Variants in LPXN observed in about 807,000 individuals in gnomAD.
LPXN encodes leupaxin.
In LPXN, 28 loss-of-function variants were observed where a neutral mutation model predicts 45.6. The observed-to-expected ratio is 0.61, with a 90% CI of 0.45 to 0.84. LPXN has a LOEUF of 0.84. LPXN is among the 40% of genes least tolerant of loss of function. LPXN has a pLI of 0.00. For synonymous variants in LPXN, 166 were observed against 169.9 expected, an observed-to-expected ratio of 0.98 and a Z score of 0.18; for missense variants, 459 against 475.0, an observed-to-expected ratio of 0.97 and a Z score of 0.31.
chr11:58,564,025 T>C, intron 3 of LPXN, 130 bp downstream of exon 3: 5 of 618,532 alleles, frequency 8.1e-6, no homozygotes, highest in Non-Finnish European at 1.4e-5. Context: ...TCAAAGACTA[T>C]GGAAAGAGGA....
At chr11:58,577,959 C>A, upstream of LPXN, 1 of 1,542,134 alleles carries the variant, frequency 6.5e-7, no homozygotes, top group Non-Finnish European at 8.8e-7. Flanking sequence ...GCCCAAGGAC[C>A]CCATGGAACC....
chr11:58,530,885 C>T (rs1388220699), intron 7 of LPXN, among the ~76,000 whole-genome samples: 1 of 152,234 alleles, frequency 6.6e-6, no homozygotes, highest in Non-Finnish European at 1.5e-5. Flanking sequence ...TGTTCTGCAG[C>T]CTCTGCTGCT....
intron 7 of LPXN, among the ~76,000 whole-genome samples, chr11:58,535,891 A>G (rs1853538295): frequency 6.6e-6 from 1 of 152,108 alleles, no homozygotes; most frequent in South Asian, 2.1e-4. Flanking sequence ...CAGCGAAATC[A>G]TGAGTGAAAC....
chr11:58,547,234 G>A (rs1853901682), intron 7 of LPXN, among the ~76,000 whole-genome samples: 1 of 152,084 alleles, frequency 6.6e-6, no homozygotes, highest in South Asian at 2.1e-4. Flanking sequence ...AAATATGAGA[G>A]GAAGAGATTA....
upstream of LPXN, among the ~76,000 whole-genome samples, chr11:58,577,536 A>G (rs1209601444): frequency 6.6e-6 from 1 of 152,214 alleles, no homozygotes; most frequent in African/African-American, 2.4e-5. Flanking sequence ...ATGTTCTTGC[A>G]AATCGTTCCT....
At chr11:58,568,594 C>T (rs1237655399) in intron 2 of LPXN, among the ~76,000 whole-genome samples, 1 of 140,142 alleles carries the variant, frequency 7.1e-6, no homozygotes, top group Admixed American at 7.0e-5. Context: ...CAGAAAGAGA[C>T]TCCATCTCAA....
At chr11:58,575,939 GCTT>G (rs1854875630), upstream of LPXN, 3 of 1,408,470 alleles carry the variant, frequency 2.1e-6, no homozygotes, top group South Asian at 4.8e-5. Context: ...GATTTGGTGA[GCTT>G]TTTTTTTTTT....
At chr11:58,563,386 A>G (rs1404922471) in intron 3 of LPXN, among the ~76,000 whole-genome samples, 1 of 152,196 alleles carries the variant, frequency 6.6e-6, no homozygotes, top group Non-Finnish European at 1.5e-5. Context: ...TTCTTGTAGC[A>G]CAGTTCTTGC....
rs929357835 is a variant in LPXN at position 58,566,040 on chromosome 11, C to G, written c.172-1839G>C. The stretch of plus-strand genomic sequence containing the variant: ...GATTATCTGAACATTTTTAATGGTA[C>G]AGACAATTATTCTTTATATGTATTC... On this transcript the variant is annotated intron_variant, in intron 2 of 8. Coordinates refer to ENST00000395074, the MANE Select transcript of LPXN (RefSeq NM_004811.3). 3.3e-5 allele frequency among the ~76,000 whole-genome samples: 5 copies of G among 152,126 alleles called. No homozygotes were observed. The South Asian group carries it at 1.0e-3, about 31-fold the overall frequency.
rs1226005079 is a variant in LPXN at position 58,549,652 on chromosome 11, G to A, written c.742+134C>T. On this transcript the variant is annotated intron_variant, in intron 7 of 8. Coordinates refer to ENST00000395074, the MANE Select transcript of LPXN (RefSeq NM_004811.3). The stretch of plus-strand genomic sequence containing the variant: ...ATGTTGGAGAAAGGTAGGGAGGGAT[G>A]GTATCTAGTACTGAAATGGGCACTT... The A allele has an allele frequency of 7.9e-6, 5 of 632,724 alleles. No homozygotes were observed. The African/African-American group carries it at 9.2e-5, about 12-fold the overall frequency. The allele number at this position is 632,724 out of a possible 1,614,324, so 39.2% of individuals were successfully genotyped here. A position where few individuals can be genotyped will look rare whatever the true frequency, so the allele number is the denominator to read the frequency against.
At chr11:58,555,723 T>C (rs1456324661) in intron 3 of LPXN, among the ~76,000 whole-genome samples, 1 of 149,176 alleles carries the variant, frequency 6.7e-6, no homozygotes. Context: ...TCAAACCAGT[T>C]AGAAATAGCA....
upstream of LPXN, among the ~76,000 whole-genome samples, chr11:58,576,178 CTT>C (rs764553389): frequency 1.4e-4 from 20 of 144,452 alleles, no homozygotes; most frequent in Non-Finnish European, 9.2e-5. Flanking sequence ...TTTCTTTTTT[CTT>C]TTTTTTTTTT....
intron 5 of LPXN, among the ~76,000 whole-genome samples, chr11:58,550,687 C>A (rs930820621): frequency 3.9e-5 from 6 of 152,146 alleles, no homozygotes; most frequent in African/African-American, 1.4e-4. Context: ...AATGTGTGAA[C>A]AAAGGGAGCA....
In LPXN at chr11:58,555,739, AAC is replaced by A. The variant is rs139423306; in HGVS notation, c.219-801_219-800del. On this transcript the variant is annotated intron_variant, in intron 3 of 8. Transcript: ENST00000395074. The stretch of plus-strand genomic sequence containing the variant: ...CAAACCAGTTAGAAATAGCAATGAA[AAC>A]ACACACACACACACACTCACACACA... Among the ~76,000 whole-genome samples, 710 of 135,276 alleles carry A rather than the reference AAC, an allele frequency of 5.2e-3. 2 individuals are homozygous for A. The highest frequency in any genetic ancestry group is 8.1e-3 in the Non-Finnish European group (516 of 63,320). The allele number at this position is 135,276 out of a possible 152,430, so 88.7% of individuals were successfully genotyped here. A position where few individuals can be genotyped will look rare whatever the true frequency, so the allele number is the denominator to read the frequency against.
At chr11:58,565,255 C>T (rs1019020953) in intron 2 of LPXN, among the ~76,000 whole-genome samples, 8 of 152,122 alleles carry the variant, frequency 5.3e-5, no homozygotes, top group South Asian at 2.1e-4. Context: ...GTTTATTGGA[C>T]GGGCGTGGTG....
rs1050513314 is a variant in LPXN at position 58,550,123 on chromosome 11, T to C, written c.510A>G (p.Ser170=). 2.3e-5 allele frequency: 37 copies of C among 1,613,974 alleles called. No homozygotes were observed. The highest frequency in any genetic ancestry group is 3.1e-5 in the Non-Finnish European group (37 of 1,179,948). The part of the protein sequence containing the change: ...AGKVIHALGQ[S]WHPEHFVCTH... ...TACAGACAAAATGCTCAGGATGCCA[T>C]GATTGCCCTAGAGCATGGATCACCT... Residue 170 remains serine, a synonymous_variant, in exon 6 of 9, where the codon TCA becomes TCG. Transcript: ENST00000395074.
At chr11:58,571,834 A>C (rs1408279206) in intron 1 of LPXN, among the ~76,000 whole-genome samples, 1 of 152,220 alleles carries the variant, frequency 6.6e-6, no homozygotes, top group Non-Finnish European at 1.5e-5. Context: ...TATTTTGTAG[A>C]TCACAAGAAA....
intron 1 of LPXN, among the ~76,000 whole-genome samples, chr11:58,571,306 A>G (rs764400819): frequency 3.9e-5 from 6 of 152,086 alleles, no homozygotes; most frequent in Non-Finnish European, 5.9e-5. Context: ...ACCACACTCC[A>G]GCAGCCTGGG....
chr11:58,557,971 G>T (rs1854258622), intron 3 of LPXN, among the ~76,000 whole-genome samples: 1 of 151,908 alleles, frequency 6.6e-6, no homozygotes, highest in East Asian at 1.9e-4. Context: ...TTAATAAGAT[G>T]ATGTTAACAT....
Sources: allele counts gnomAD v4.1 joint callset (sites outside exome capture counted in the v4.1 genomes callset), GRCh38; gene constraint gnomAD v4.1.1; transcripts MANE v1.5; gene names NCBI Gene and HGNC (gene_info 2026-07-23, HGNC 2026-07-21).